The following SRPK2 variants were observed in gnomAD, a reference collection of about 807,000 sequenced individuals.
SRPK2 encodes SRSF protein kinase 2.
Under a neutral mutation model 90.8 loss-of-function variants are expected in SRPK2, and 21 were observed. The ratio of observed to expected loss-of-function variants is 0.23; its 90% CI spans 0.16 to 0.33. The LOEUF (loss-of-function observed/expected upper bound fraction) is 0.33. Among genes scored for constraint, SRPK2 ranks in the 10% least tolerant of loss-of-function variants. The pLI, the probability that SRPK2 is intolerant of heterozygous loss-of-function variation, is 1.00. For synonymous variants in SRPK2, 288 were observed against 311.1 expected (o/e 0.93, Z 0.78); for missense variants, 620 against 869.0 (o/e 0.71, Z 3.60).
At chr7:105,253,712 A>C (rs751732354) in intron 2 of SRPK2, among the ~76,000 whole-genome samples, 2 of 152,216 alleles carry the variant, frequency 1.3e-5, no homozygotes, top group Non-Finnish European at 2.9e-5. Flanking sequence ...AGAAAAATGA[A>C]AAGGTCTTGA....
upstream of SRPK2, chr7:105,388,955 C>T: frequency 8.7e-7 from 1 of 1,154,144 alleles, no homozygotes; most frequent in South Asian, 4.2e-5. Context: ...CCAGCAGGGA[C>T]CCAGCAAGAC....
intron 2 of SRPK2, among the ~76,000 whole-genome samples, chr7:105,290,088 T>C (rs1020304231): frequency 1.3e-5 from 2 of 151,610 alleles, no homozygotes; most frequent in Non-Finnish European, 2.9e-5. Flanking sequence ...ACAATTACCA[T>C]ATTATCAGCA....
chr7:105,159,054 A>G (rs1807014484), intron 7 of SRPK2, among the ~76,000 whole-genome samples: 1 of 152,164 alleles, frequency 6.6e-6, no homozygotes, highest in African/African-American at 2.4e-5. Context: ...CCATAAATCT[A>G]GGCCCACATG....
At chr7:105,183,889 A>G (rs957267870) in intron 3 of SRPK2, among the ~76,000 whole-genome samples, 4 of 152,146 alleles carry the variant, frequency 2.6e-5, no homozygotes, top group Non-Finnish European at 4.4e-5. Flanking sequence ...TAAGTGTTCA[A>G]CTTCGCTGAA....
intron 15 of SRPK2, among the ~76,000 whole-genome samples, chr7:105,122,536 G>T (rs569868213): frequency 1.1e-4 from 16 of 152,312 alleles, no homozygotes; most frequent in African/African-American, 3.8e-4. Flanking sequence ...GCTCTTTACA[G>T]CATCAAAAGA....
At chr7:105,271,383 C>T (rs1805808674) in intron 2 of SRPK2, among the ~76,000 whole-genome samples, 1 of 152,206 alleles carries the variant, frequency 6.6e-6, no homozygotes, top group South Asian at 2.1e-4. Flanking sequence ...AGGTTTCCAA[C>T]TTCATTTTCA....
intron 2 of SRPK2, among the ~76,000 whole-genome samples, chr7:105,237,006 T>C (rs186972663): frequency 6.5e-4 from 99 of 152,300 alleles, no homozygotes; most frequent in Non-Finnish European, 1.3e-4. Flanking sequence ...TTGGTGATAC[T>C]AGGAAGTCAA....
intron 2 of SRPK2, among the ~76,000 whole-genome samples, chr7:105,381,658 G>A (rs759398046): frequency 4.6e-5 from 7 of 152,172 alleles, no homozygotes; most frequent in East Asian, 1.9e-4. Flanking sequence ...TATTTGCTTC[G>A]TGTCCATTTA....
chr7:105,127,000 T>C lies in SRPK2; in HGVS notation c.1815A>G (p.Arg605=). 1 of 1,614,210 alleles carries C rather than the reference T, an allele frequency of 6.2e-7. No homozygotes were observed. Among genetic ancestry groups the C allele is most frequent in the Non-Finnish European group, 8.5e-7 (1 of 1,180,030 alleles). The change falls in exon 14 of 16, where the codon AGA becomes AGG. Residue 605 remains arginine (R), a synonymous_variant. Transcript: ENST00000393651. The part of the protein sequence containing the change: ...FEPHSGEDYS[R]DEDHIAHIIE... ...GCAGGCACCAATACTCACCTTCGTCTCTGGAATAGTCTTCCCCAGAATGTG... is the reference window on the plus strand; with the variant it reads ...GCAGGCACCAATACTCACCTTCGTCCCTGGAATAGTCTTCCCCAGAATGTG...
chr7:105,257,834 G>A (rs969967672), intron 2 of SRPK2, among the ~76,000 whole-genome samples: 2 of 152,176 alleles, frequency 1.3e-5, no homozygotes, highest in East Asian at 1.9e-4. Flanking sequence ...AAGAATGGCC[G>A]GGTGCAGTGG....
intron 2 of SRPK2, among the ~76,000 whole-genome samples, chr7:105,333,807 T>G (rs1321320662): frequency 1.3e-5 from 2 of 152,268 alleles, no homozygotes; most frequent in East Asian, 3.8e-4. Context: ...CTGTAATAAC[T>G]GATCTAAATA....
chr7:105,389,715 G>C (rs1194093143), upstream of SRPK2, among the ~76,000 whole-genome samples: 1 of 152,162 alleles, frequency 6.6e-6, no homozygotes, highest in Admixed American at 6.6e-5. Context: ...ATTCAGGCCT[G>C]GCCGTCGACA....
chr7:105,247,246 G>A (rs972543389), intron 2 of SRPK2, among the ~76,000 whole-genome samples: 2 of 152,094 alleles, frequency 1.3e-5, no homozygotes, highest in African/African-American at 4.8e-5. Context: ...ACTCTGTGTT[G>A]TAAAAGAGAC....
intron 2 of SRPK2, chr7:105,304,246 A>C (rs1810905404): frequency 6.6e-6 from 1 of 152,256 alleles, no homozygotes; most frequent in African/African-American, 2.4e-5. Flanking sequence ...TCCATGAGTC[A>C]AAAACAATAA....
chr7:105,141,930 C>T, intron 11 of SRPK2, 78 bp downstream of exon 11: 4 of 1,514,424 alleles, frequency 2.6e-6, no homozygotes, highest in African/African-American at 2.8e-5. Context: ...CACTTCCAGC[C>T]AATTCCTTCA....
At chr7:105,195,447 T>C (rs1264732854) in intron 3 of SRPK2, among the ~76,000 whole-genome samples, 1 of 152,242 alleles carries the variant, frequency 6.6e-6, no homozygotes, top group Admixed American at 6.5e-5. Flanking sequence ...TTGGTAATAT[T>C]TTGAAGTGAT....
chr7:105,230,387 C>A (rs989642297), intron 2 of SRPK2, among the ~76,000 whole-genome samples: 2 of 151,988 alleles, frequency 1.3e-5, no homozygotes, highest in African/African-American at 4.8e-5. Flanking sequence ...TGGTGGACAC[C>A]GACACTGGAG....
chr7:105,263,264 A>C (rs1804569679), intron 2 of SRPK2, among the ~76,000 whole-genome samples: 1 of 152,128 alleles, frequency 6.6e-6, no homozygotes, highest in South Asian at 2.1e-4. Context: ...CAGAGGTTGC[A>C]GTGAGCTGAG....
At position 105,270,167 on chromosome 7, in the gene SRPK2, A is replaced by G. The variant is rs937161743; in HGVS notation, c.72-66382T>C. Among the ~76,000 whole-genome samples, 6 of 152,336 alleles carry G rather than the reference A, an allele frequency of 3.9e-5. No homozygotes were observed. In the East Asian group the frequency reaches 7.7e-4, roughly 20 times the overall value. On this transcript the variant is annotated intron_variant, in intron 2 of 15. Transcript: ENST00000393651. ...TTTTAAGCTTATAACTTCAATGAGC[A>G]TTATAAAAGCGGCATGAATACCTGA...
Sources: gnomAD v4.1 joint callset for allele counts (sites outside exome capture counted in the v4.1 genomes callset) on GRCh38, gnomAD v4.1.1 for gene constraint, MANE v1.5 for transcripts, NCBI Gene and HGNC (gene_info 2026-07-23, HGNC 2026-07-21) for gene names.